CPEB1: variants seen among roughly 807,000 people sequenced by gnomAD.
The protein encoded by CPEB1 is cytoplasmic polyadenylation element binding protein 1.
In CPEB1, 7 loss-of-function variants were observed where a neutral mutation model predicts 65.8. The ratio of observed to expected loss-of-function variants is 0.11; its 90% CI spans 0.06 to 0.20. CPEB1 has a LOEUF of 0.20. CPEB1 is among the 10% of genes least tolerant of loss of function. CPEB1 has a pLI of 1.00. For synonymous variants in CPEB1, 262 were observed against 260.0 expected, an observed-to-expected ratio of 1.01 and a Z score of -0.08; for missense variants, 551 against 712.2, an observed-to-expected ratio of 0.77 and a Z score of 2.58.
At chr15:82,595,899 G>C (rs897358869) in intron 3 of CPEB1, among the ~76,000 whole-genome samples, 2 of 152,152 alleles carry the variant, frequency 1.3e-5, no homozygotes, top group Non-Finnish European at 2.9e-5. Flanking sequence ...AAGTATTCTT[G>C]CTAAGAAAGT....
intron 3 of CPEB1, among the ~76,000 whole-genome samples, chr15:82,611,888 A>T (rs1018212649): frequency 6.6e-6 from 1 of 151,694 alleles, no homozygotes; most frequent in Non-Finnish European, 1.5e-5. Context: ...AGTTTATTTT[A>T]AAAAAAAGAT....
chr15:82,647,307 G>C lies in CPEB1; in HGVS notation c.-268C>G, dbSNP rs374362604. 1 of 152,402 alleles carries C rather than the reference G, an allele frequency of 6.6e-6. No individual in the cohort carries two copies. Among genetic ancestry groups the C allele is most frequent in the African/African-American group, 2.4e-5 (1 of 41,466 alleles). 9.4% of individuals were successfully genotyped at this position (152,402 alleles called of 1,614,324 possible). On this transcript the variant is annotated 5_prime_UTR_variant, in exon 1 of 13. Transcript: ENST00000684509. ...TTGGGAAGCCGCACGAGGGGCTTGAGCCCTCCACCTTAAAGGTGCCGCGAC... is the reference window on the plus strand; with the variant it reads ...TTGGGAAGCCGCACGAGGGGCTTGACCCCTCCACCTTAAAGGTGCCGCGAC...
chr15:82,628,602 T>A, intron 1 of CPEB1, 46 bp from the exon 2 acceptor site: 2 of 595,920 alleles, frequency 3.4e-6, no homozygotes, highest in East Asian at 5.5e-5. Context: ...TAGAAACATT[T>A]TTACAGAAAT....
rs1222928830 is a variant in CPEB1 at position 82,544,667 on chromosome 15, G to A, written c.1692C>T (p.His564=). ...CFKYFCRSCW[H]WRHSMEGLRH... ...GCAGGCCCTCCATGCTGTGCCGCCA[G>A]TGCCAGCAGCTCCGGCAGAAGTATT... is the stretch of plus-strand genomic sequence containing the variant. The change falls in exon 13 of 13, where the codon CAC becomes CAT. Residue 564 remains histidine (H), a synonymous_variant. Transcript: ENST00000684509. 3 of 1,613,390 alleles carry A rather than the reference G, an allele frequency of 1.9e-6. No homozygotes were observed. The highest frequency in any genetic ancestry group is 1.7e-4 in the Middle Eastern group (1 of 5,730).
At chr15:82,646,358 G>C (rs1445412088) in intron 1 of CPEB1, among the ~76,000 whole-genome samples, 2 of 152,208 alleles carry the variant, frequency 1.3e-5, no homozygotes, top group Non-Finnish European at 2.9e-5. Flanking sequence ...TCAGGTGCCA[G>C]GAGAGAGCGC....
At chr15:82,547,863 GGGT>G in intron 10 of CPEB1, among the ~76,000 whole-genome samples, 1 of 151,854 alleles carries the variant, frequency 6.6e-6, no homozygotes, top group Non-Finnish European at 1.5e-5. Flanking sequence ...TGTAGAGACA[GGGT>G]TTCACCATAT....
chr15:82,546,285 T>C (rs1194138477), intron 12 of CPEB1, among the ~76,000 whole-genome samples, 156 bp downstream of exon 12: 3 of 152,150 alleles, frequency 2.0e-5, no homozygotes, highest in Non-Finnish European at 4.4e-5. Flanking sequence ...AATTGTTGTA[T>C]TTTTAATAGA....
intron 2 of CPEB1, chr15:82,628,118 A>C: frequency 1.5e-6 from 1 of 680,262 alleles, no homozygotes. Flanking sequence ...GAAGGTCATG[A>C]AAGTCTAGAA....
intron 4 of CPEB1, among the ~76,000 whole-genome samples, chr15:82,570,244 G>C (rs558703142): frequency 1.3e-5 from 2 of 152,254 alleles, no homozygotes; most frequent in African/African-American, 4.8e-5. Context: ...GCGCCAAACA[G>C]GGTGGAGGCC....
chr15:82,624,782 C>A (rs1314258296), intron 3 of CPEB1, among the ~76,000 whole-genome samples: 1 of 152,074 alleles, frequency 6.6e-6, no homozygotes, highest in East Asian at 1.9e-4. Context: ...TCCAGCATCT[C>A]TGAAACAACC....
At chr15:82,603,298 T>C (rs2043278449) in intron 3 of CPEB1, among the ~76,000 whole-genome samples, 1 of 151,998 alleles carries the variant, frequency 6.6e-6, no homozygotes, top group Non-Finnish European at 1.5e-5. Context: ...GTGGTTGTAT[T>C]TGACCTACCT....
intron 5 of CPEB1, 137 bp from the exon 6 acceptor site, chr15:82,556,259 C>A: frequency 9.9e-7 from 1 of 1,006,222 alleles, no homozygotes; most frequent in African/African-American, 1.7e-5. Flanking sequence ...TCTTCCTGAG[C>A]AATTTTGATT....
intron 12 of CPEB1, among the ~76,000 whole-genome samples, chr15:82,545,176 C>T (rs1443175397): frequency 1.3e-5 from 2 of 152,186 alleles, no homozygotes; most frequent in African/African-American, 2.4e-5. Context: ...TGCTGTGTAA[C>T]GTCAGGCAAG....
At chr15:82,574,722 C>CAAAAAAAAAA (rs534968367) in intron 3 of CPEB1, among the ~76,000 whole-genome samples, 628 of 53,442 alleles carry the variant, frequency 0.012, 42 homozygotes, top group Non-Finnish European at 0.013. Flanking sequence ...GACTCGGTCT[C>CAAAAAAAAAA]AAAAAAAAAA....
chr15:82,593,657 A>G (rs1015843920), intron 3 of CPEB1, among the ~76,000 whole-genome samples: 1 of 152,230 alleles, frequency 6.6e-6, no homozygotes, highest in Non-Finnish European at 1.5e-5. Flanking sequence ...AATCCTTTCC[A>G]GAAGGTTTTC....
At chr15:82,562,030 TG>T in intron 4 of CPEB1, 1 of 358,058 alleles carries the variant, frequency 2.8e-6, no homozygotes, top group South Asian at 2.2e-5. Flanking sequence ...TCCTAAGAAG[TG>T]GCTGTTACTA....
At chr15:82,591,094 T>C (rs1347504325) in intron 3 of CPEB1, among the ~76,000 whole-genome samples, 1 of 152,214 alleles carries the variant, frequency 6.6e-6, no homozygotes, top group Non-Finnish European at 1.5e-5. Flanking sequence ...ATCACTACAC[T>C]ATTTTCCACA....
intron 2 of CPEB1, among the ~76,000 whole-genome samples, chr15:82,627,841 G>A (rs1392472873): frequency 6.6e-6 from 1 of 152,116 alleles, no homozygotes; most frequent in Non-Finnish European, 1.5e-5. Context: ...AAAGTACCTT[G>A]CCAGTAAAGG....
At chr15:82,563,753 T>C (rs2038643658) in intron 4 of CPEB1, among the ~76,000 whole-genome samples, 1 of 152,116 alleles carries the variant, frequency 6.6e-6, no homozygotes. Context: ...AATAGGAGGT[T>C]CTGGATAAAA....
Sources: gnomAD v4.1 joint callset for allele counts (sites outside exome capture counted in the v4.1 genomes callset) on GRCh38, gnomAD v4.1.1 for gene constraint, MANE v1.5 for transcripts, NCBI Gene and HGNC (gene_info 2026-07-23, HGNC 2026-07-21) for gene names.